The following ADAM23 variants were observed in gnomAD, a reference collection of about 807,000 sequenced individuals.
ADAM23 encodes ADAM metallopeptidase domain 23, also known as disintegrin and metalloproteinase domain-containing protein 23.
In ADAM23, 33 loss-of-function variants were observed where a neutral mutation model predicts 120.1. The observed-to-expected ratio is 0.27, with a 90% CI of 0.21 to 0.37. The LOEUF is 0.37. Among genes scored for constraint, ADAM23 ranks in the 10% least tolerant of loss-of-function variants. The probability of loss-of-function intolerance (pLI) is 1.00; values close to 1 mark genes in which losing one functional copy is unlikely to be tolerated. For synonymous variants in ADAM23, 367 were observed against 375.2 expected, an observed-to-expected ratio of 0.98 and a Z score of 0.25; for missense variants, 862 against 1,058.2, an observed-to-expected ratio of 0.81 and a Z score of 2.57.
intron 15 of ADAM23, among the ~76,000 whole-genome samples, chr2:206,569,998 C>T (rs1191029443): frequency 6.6e-6 from 1 of 152,084 alleles, no homozygotes; most frequent in Non-Finnish European, 1.5e-5. Flanking sequence ...TCCTGCCCCC[C>T]TCCCCACTGC....
intron 18 of ADAM23, 119 bp downstream of exon 18, chr2:206,573,314 G>T (rs1336874845): frequency 4.2e-6 from 4 of 957,174 alleles, no homozygotes; most frequent in Admixed American, 3.7e-5. Flanking sequence ...TGGAATATTT[G>T]CATATTCATA....
chr2:206,573,268 G>C (rs1298778194), intron 18 of ADAM23, 73 bp downstream of exon 18: 1 of 1,398,562 alleles, frequency 7.2e-7, no homozygotes, highest in East Asian at 2.3e-5. Context: ...AGTGCTTGGG[G>C]CCAGAAGTGT....
chr2:206,454,566 G>A (rs1695257594), intron 2 of ADAM23, among the ~76,000 whole-genome samples: 1 of 152,176 alleles, frequency 6.6e-6, no homozygotes, highest in Non-Finnish European at 1.5e-5. Context: ...ACTCATTCCA[G>A]TGTTAACTGA....
At chr2:206,596,290 T>C (rs1204470437) in intron 24 of ADAM23, 128 bp downstream of exon 24, 2 of 650,206 alleles carry the variant, frequency 3.1e-6, no homozygotes, top group Non-Finnish European at 5.2e-6. Context: ...CTTTAAAGTA[T>C]ATAATTTATG....
intron 25 of ADAM23, among the ~76,000 whole-genome samples, chr2:206,610,720 TAAAC>T (rs373342902): frequency 1.8e-4 from 28 of 152,362 alleles, no homozygotes; most frequent in African/African-American, 6.7e-4. Flanking sequence ...TATTCACAAA[TAAAC>T]TTCAATTGTG....
intron 3 of ADAM23, among the ~76,000 whole-genome samples, chr2:206,518,257 T>G (rs961528083): frequency 5.3e-5 from 8 of 152,174 alleles, no homozygotes; most frequent in African/African-American, 1.9e-4. Flanking sequence ...AGGACATATA[T>G]TTAGAGAATC....
At chr2:206,537,266 G>C (rs528502100) in intron 4 of ADAM23, among the ~76,000 whole-genome samples, 2 of 152,108 alleles carry the variant, frequency 1.3e-5, no homozygotes, top group Non-Finnish European at 1.5e-5. Flanking sequence ...GTTCAAGCTC[G>C]CTTCTAAGAG....
intron 18 of ADAM23, among the ~76,000 whole-genome samples, chr2:206,584,790 A>C (rs1574549360): frequency 1.3e-5 from 2 of 152,288 alleles, no homozygotes; most frequent in East Asian, 3.9e-4. Flanking sequence ...TAAAAAGTTC[A>C]GCTAGAGAAT....
chr2:206,580,296 A>G (rs186294925), intron 18 of ADAM23, among the ~76,000 whole-genome samples: 136 of 151,632 alleles, frequency 9.0e-4, no homozygotes, highest in Admixed American at 2.6e-3. Context: ...TCTTGTTCCA[A>G]TTCTCAGAGG....
chr2:206,561,409 T>G (rs1159927598), intron 12 of ADAM23, among the ~76,000 whole-genome samples, 197 bp downstream of exon 12: 1 of 152,216 alleles, frequency 6.6e-6, no homozygotes, highest in East Asian at 1.9e-4. Flanking sequence ...AATGACAATT[T>G]TTCGTATATA....
intron 2 of ADAM23, among the ~76,000 whole-genome samples, chr2:206,456,556 C>T (rs890105051): frequency 1.3e-5 from 2 of 152,150 alleles, no homozygotes; most frequent in African/African-American, 2.4e-5. Flanking sequence ...TATTTGCATG[C>T]AGGCACAGAG....
chr2:206,543,771 G>A (rs578128882), intron 6 of ADAM23, among the ~76,000 whole-genome samples: 105 of 147,926 alleles, frequency 7.1e-4, no homozygotes, highest in African/African-American at 2.3e-3. Context: ...ACACACACAC[G>A]CACACGCACC....
intron 24 of ADAM23, among the ~76,000 whole-genome samples, chr2:206,602,697 A>C (rs925939449): frequency 1.3e-5 from 2 of 152,150 alleles, no homozygotes; most frequent in Non-Finnish European, 2.9e-5. Context: ...AAAACAGCAC[A>C]TTTTCAAAAT....
At chr2:206,553,292 C>T (rs902172459) in intron 9 of ADAM23, among the ~76,000 whole-genome samples, 1 of 151,868 alleles carries the variant, frequency 6.6e-6, no homozygotes, top group Non-Finnish European at 1.5e-5. Flanking sequence ...AAAAATTAGC[C>T]GGAGGTGGTG....
chr2:206,575,561 T>G (rs913565561), intron 18 of ADAM23, among the ~76,000 whole-genome samples: 2 of 152,174 alleles, frequency 1.3e-5, no homozygotes, highest in Non-Finnish European at 2.9e-5. Flanking sequence ...TACCTGTTGC[T>G]AGGCATTGTG....
At chr2:206,551,106 C>T (rs1389012697) in intron 9 of ADAM23, among the ~76,000 whole-genome samples, 1 of 152,138 alleles carries the variant, frequency 6.6e-6, no homozygotes, top group Non-Finnish European at 1.5e-5. Flanking sequence ...TGCCTGAAGC[C>T]CAGAAGAGTC....
At chr2:206,495,842 G>A (rs1696233839) in intron 3 of ADAM23, among the ~76,000 whole-genome samples, 1 of 152,066 alleles carries the variant, frequency 6.6e-6, no homozygotes, top group African/African-American at 2.4e-5. Flanking sequence ...AAAGGCAGGG[G>A]TTGCAATCCT....
At chr2:206,477,598 T>C (rs1695799325) in intron 2 of ADAM23, among the ~76,000 whole-genome samples, 1 of 152,128 alleles carries the variant, frequency 6.6e-6, no homozygotes, top group African/African-American at 2.4e-5. Context: ...TATGACCTAA[T>C]ATGTGGTTCA....
chr2:206,583,379 G>A (rs893048053), intron 18 of ADAM23, among the ~76,000 whole-genome samples: 9 of 151,904 alleles, frequency 5.9e-5, no homozygotes, highest in Admixed American at 2.0e-4. Context: ...GCGTGAACCC[G>A]GGAGGCGGAG....
Sources: allele counts gnomAD v4.1 joint callset (sites outside exome capture counted in the v4.1 genomes callset), GRCh38; gene constraint gnomAD v4.1.1; transcripts MANE v1.5; gene names NCBI Gene and HGNC (gene_info 2026-07-23, HGNC 2026-07-21).